The following PIK3CG variants were observed in gnomAD, a reference collection of about 807,000 sequenced individuals.
The protein encoded by PIK3CG is phosphatidylinositol 4,5-bisphosphate 3-kinase catalytic subunit gamma isoform.
PIK3CG carries 55 observed loss-of-function variants against 102.3 expected under a neutral mutation model. The observed-to-expected ratio is 0.54, with a 90% CI of 0.43 to 0.67. The LOEUF (loss-of-function observed/expected upper bound fraction) is 0.67, where lower values mean the gene tolerates loss of function less well. Ranked by LOEUF, PIK3CG falls within the 30% of genes least tolerant of loss-of-function variation. PIK3CG has a pLI of 0.00. For synonymous variants in PIK3CG, 552 were observed against 540.0 expected (o/e 1.02, Z -0.31); for missense variants, 1,258 against 1,391.8 (o/e 0.90, Z 1.53).
intron 10 of PIK3CG, among the ~76,000 whole-genome samples, chr7:106,887,444 T>C (rs1262002594): frequency 6.6e-6 from 1 of 152,170 alleles, no homozygotes; most frequent in African/African-American, 2.4e-5. Flanking sequence ...GGAGACGACA[T>C]GACCCTTGAA....
rs764810705 is a variant in PIK3CG at position 106,869,304 on chromosome 7, A to G, written c.1743A>G (p.Glu581=). 23 of 1,614,118 alleles carry G rather than the reference A, an allele frequency of 1.4e-5. No individual in the cohort carries two copies. Among genetic ancestry groups the G allele is most frequent in the Middle Eastern group, 1.6e-4 (1 of 6,084 alleles). ...AATTGCTCTGGCATTTTAGATACGA[A>G]AGCCTTAAGCACCCAAAAGCATATC... ...DKELLWHFRY[E]SLKHPKAYPK... The change falls in exon 2 of 11, where the codon GAA becomes GAG. Residue 581 remains glutamate, a synonymous_variant. Coordinates refer to ENST00000496166, the MANE Select transcript of PIK3CG (RefSeq NM_001282426.2). The surrounding 1 kb of genome is among the most constrained non-coding windows in gnomAD (Gnocchi z 5.3).
chr7:106,898,144 C>T (rs550764458), intron 10 of PIK3CG, among the ~76,000 whole-genome samples: 1 of 152,220 alleles, frequency 6.6e-6, no homozygotes, highest in African/African-American at 2.4e-5. Context: ...TGATGTTAAG[C>T]TTTTTTCATA....
intron 10 of PIK3CG, among the ~76,000 whole-genome samples, chr7:106,900,179 G>A (rs1398939052): frequency 6.6e-6 from 1 of 151,888 alleles, no homozygotes; most frequent in East Asian, 1.9e-4. Context: ...TTATTTCTGT[G>A]GGGTCAGTAA....
chr7:106,905,466 A>G lies in PIK3CG; in HGVS notation c.*79A>G, dbSNP rs779411944. 3.8e-6 allele frequency: 5 copies of G among 1,316,924 alleles called. No homozygotes were observed. Among genetic ancestry groups the G allele is most frequent in the Non-Finnish European group, 5.3e-6 (5 of 944,026 alleles). 81.6% of individuals were successfully genotyped at this position (1,316,924 alleles called of 1,614,324 possible). On this transcript the variant is annotated 3_prime_UTR_variant, in exon 11 of 11. Coordinates refer to ENST00000496166, the MANE Select transcript of PIK3CG (RefSeq NM_001282426.2). The surrounding 1 kb of genome is among the most constrained non-coding windows in gnomAD (Gnocchi z 5.6). ...AGCAATCATCGAACTTGGATTTCAAATGCAATAGACATTGTGAAAGCTGGC... is the reference window on the plus strand; with the variant it reads ...AGCAATCATCGAACTTGGATTTCAAGTGCAATAGACATTGTGAAAGCTGGC...
At position 106,883,226 on chromosome 7, in the gene PIK3CG, T is replaced by C; in HGVS notation, c.2760+63T>C. ...CAAGTTGTCATTTATATAGCAGTAG[T>C]GGCTTCAAGTTTTCAGAGAATCTGC... On this transcript the variant is annotated intron_variant, in intron 8 of 10. Coordinates refer to ENST00000496166, the MANE Select transcript of PIK3CG (RefSeq NM_001282426.2). This position sits in a 1 kb window ranked among gnomAD's most constrained non-coding sequence, Gnocchi z 5.8. 1 of 1,540,360 alleles carries C rather than the reference T, an allele frequency of 6.5e-7. No homozygotes were observed. Among genetic ancestry groups the C allele is most frequent in the Non-Finnish European group, 8.9e-7 (1 of 1,120,914 alleles).
Position 106,869,020 on chromosome 7 carries a change from A to G in PIK3CG, c.1459A>G (p.Ile487Val), listed in dbSNP as rs1165692640. The change falls in exon 2 of 11, where the codon ATA becomes GTA. Residue 487 changes from isoleucine (I) to valine (V), a missense_variant. Coordinates refer to ENST00000496166, the MANE Select transcript of PIK3CG (RefSeq NM_001282426.2). The surrounding 1 kb of genome is among the most constrained non-coding windows in gnomAD (Gnocchi z 5.3). ...AGAATACGTCCTCCACATGTGGCAG[A>G]TATCTGGGAAGGGAGAAGACCAAGG... ...RGEYVLHMWQ[I>V]SGKGEDQGSF... 5 of 1,614,192 alleles carry G rather than the reference A, an allele frequency of 3.1e-6. No homozygotes were observed. Among genetic ancestry groups the G allele is most frequent in the East Asian group, 2.2e-5 (1 of 44,880 alleles).
rs1056990926 is a variant in PIK3CG at position 106,890,535 on chromosome 7, C to T, written c.3030+4243C>T. 6.6e-6 allele frequency among the ~76,000 whole-genome samples: 1 copy of T among 152,190 alleles called. No individual in the cohort carries two copies. The highest frequency in any genetic ancestry group is 2.4e-5 in the African/African-American group (1 of 41,454). On this transcript the variant is annotated intron_variant, in intron 10 of 10. Transcript: ENST00000496166. This position sits in a 1 kb window ranked among gnomAD's most constrained non-coding sequence, Gnocchi z 4.2. The stretch of plus-strand genomic sequence containing the variant: ...ACTAGTAAATGTTGTTTATTAAAAT[C>T]AAGAGCCAGCAAAATATTGAAAATA...
At chr7:106,901,582 T>G (rs1212912677) in intron 10 of PIK3CG, among the ~76,000 whole-genome samples, 2 of 152,224 alleles carry the variant, frequency 1.3e-5, no homozygotes, top group Non-Finnish European at 1.5e-5. Flanking sequence ...TCAGCCTGGT[T>G]AAGAACTCTT....
rs1791032575 is a variant in PIK3CG, at chr7:106,884,613, C to G, written c.2872+347C>G. Among the ~76,000 whole-genome samples, 1 of 152,166 alleles carries G rather than the reference C, an allele frequency of 6.6e-6. No homozygotes were observed. The highest frequency in any genetic ancestry group is 2.4e-5 in the African/African-American group (1 of 41,450). ...CCCCCAACCTCTTTGGCACCAAGGA[C>G]CGGCTTCTTGGAAGACACCTTTTCC... On this transcript the variant is annotated intron_variant, in intron 9 of 10. Transcript: ENST00000496166. This position sits in a 1 kb window ranked among gnomAD's most constrained non-coding sequence, Gnocchi z 4.2.
intron 4 of PIK3CG, 142 bp downstream of exon 4, chr7:106,873,080 G>T: frequency 1.6e-6 from 1 of 626,010 alleles, no homozygotes; most frequent in Non-Finnish European, 2.8e-6. Flanking sequence ...TTTTCTGTCT[G>T]CATGGAGTAA....
intron 10 of PIK3CG, among the ~76,000 whole-genome samples, chr7:106,900,604 A>G (rs1178428085): frequency 6.6e-6 from 1 of 152,164 alleles, no homozygotes; most frequent in Non-Finnish European, 1.5e-5. Flanking sequence ...TCATTGTGCT[A>G]TTAGCCGGTT....
intron 5 of PIK3CG, among the ~76,000 whole-genome samples, chr7:106,878,835 A>G (rs1790848100): frequency 6.6e-6 from 1 of 152,234 alleles, no homozygotes; most frequent in African/African-American, 2.4e-5. Flanking sequence ...AGGAATTATG[A>G]CATATTAATA....
intron 10 of PIK3CG, among the ~76,000 whole-genome samples, chr7:106,888,534 G>A (rs546545486): frequency 6.6e-5 from 10 of 152,312 alleles, no homozygotes; most frequent in Non-Finnish European, 7.4e-5. Flanking sequence ...TGTGCAGTCT[G>A]TCCTCTCAGT....
chr7:106,885,217 A>G (rs1034292855), intron 9 of PIK3CG, among the ~76,000 whole-genome samples: 43 of 152,294 alleles, frequency 2.8e-4, no homozygotes, highest in African/African-American at 1.0e-3. Context: ...AAGGAGGAAG[A>G]GGCAGGAAAT....
chr7:106,904,793 A>G (rs767818279), intron 10 of PIK3CG, among the ~76,000 whole-genome samples: 87 of 152,228 alleles, frequency 5.7e-4, no homozygotes, highest in Non-Finnish European at 9.8e-4. Flanking sequence ...ATTGCTCTTC[A>G]GAAATTACAG....
intron 10 of PIK3CG, among the ~76,000 whole-genome samples, chr7:106,889,266 A>G (rs1791207180): frequency 6.6e-6 from 1 of 152,152 alleles, no homozygotes; most frequent in Non-Finnish European, 1.5e-5. Context: ...TTTAACATAC[A>G]TATATGCAGA....
chr7:106,894,097 G>A lies in PIK3CG; in HGVS notation c.3030+7805G>A, dbSNP rs537928481. On this transcript the variant is annotated intron_variant, in intron 10 of 10. Transcript: ENST00000496166. The surrounding 1 kb of genome is among the most constrained non-coding windows in gnomAD (Gnocchi z 4.4). ...CATGACTGTATATAGGACTTGTGAT[G>A]TACAGTTTTAAATTAGCCTCCTTCC... 6.6e-6 allele frequency among the ~76,000 whole-genome samples: 1 copy of A among 152,202 alleles called. No homozygotes were observed. Among genetic ancestry groups the A allele is most frequent in the Non-Finnish European group, 1.5e-5 (1 of 68,034 alleles).
rs1200810865 is a variant in PIK3CG at position 106,902,269 on chromosome 7, G to C, written c.3031-2840G>C. The stretch of plus-strand genomic sequence containing the variant: ...TGTCTTGTGTCAAGCAATGCGGGGG[G>C]TGTGTGGGATGCACGGGAGACACAC... On this transcript the variant is annotated intron_variant, in intron 10 of 10. Coordinates refer to ENST00000496166, the MANE Select transcript of PIK3CG (RefSeq NM_001282426.2). The surrounding 1 kb of genome is among the most constrained non-coding windows in gnomAD (Gnocchi z 4.3). 6.6e-6 allele frequency among the ~76,000 whole-genome samples: 1 copy of C among 152,150 alleles called. No individual in the cohort carries two copies. The highest frequency in any genetic ancestry group is 1.5e-5 in the Non-Finnish European group (1 of 68,030).
At chr7:106,885,777 C>T (rs182342781) in intron 9 of PIK3CG, among the ~76,000 whole-genome samples, 11 of 152,184 alleles carry the variant, frequency 7.2e-5, no homozygotes, top group Admixed American at 2.0e-4. Context: ...CAGAGTGAAA[C>T]ATCAGTCTAT....
Sources: gnomAD v4.1 joint callset for allele counts (sites outside exome capture counted in the v4.1 genomes callset) on GRCh38, gnomAD v4.1.1 for gene constraint, Gnocchi (gnomAD v3.1) non-coding constraint, MANE v1.5 for transcripts, NCBI Gene and HGNC (gene_info 2026-07-23, HGNC 2026-07-21) for gene names.